Variants in ST7L observed in about 807,000 individuals in gnomAD.
The protein encoded by ST7L is suppression of tumorigenicity 7 like.
ST7L carries 57 observed loss-of-function variants against 72.5 expected under a neutral mutation model. The observed-to-expected ratio is 0.79, with a 90% CI of 0.64 to 0.98. The LOEUF is 0.98. Ranked by LOEUF, ST7L falls within the 50% of genes least tolerant of loss-of-function variation. ST7L has a pLI of 0.00. For missense variants in ST7L, 576 were observed against 672.2 expected, an observed-to-expected ratio of 0.86 and a Z score of 1.58; for synonymous variants, 221 against 240.9, an observed-to-expected ratio of 0.92 and a Z score of 0.77.
chr1:112,547,587 T>TTTTTTTTG (rs1447452736), intron 13 of ST7L, among the ~76,000 whole-genome samples: 1 of 141,514 alleles, frequency 7.1e-6, no homozygotes, highest in Non-Finnish European at 1.5e-5. Flanking sequence ...TTTTTTTTTT[T>TTTTTTTTG]GGAGACAGAG....
At chr1:112,539,876 C>A (rs1488333707) in intron 14 of ST7L, 1 of 985,204 alleles carries the variant, frequency 1.0e-6, no homozygotes, top group Non-Finnish European at 1.2e-6. Context: ...TACCATTAGG[C>A]ACATTCTTAA....
intron 3 of ST7L, among the ~76,000 whole-genome samples, chr1:112,604,596 C>T (rs976459260): frequency 2.0e-5 from 3 of 151,854 alleles, no homozygotes; most frequent in African/African-American, 4.8e-5. Context: ...GTAATGGTTA[C>T]CAAGTCCAAA....
intron 12 of ST7L, among the ~76,000 whole-genome samples, chr1:112,553,815 A>G (rs151239212): frequency 5.0e-4 from 76 of 152,344 alleles, no homozygotes; most frequent in Non-Finnish European, 9.0e-4. Flanking sequence ...TAATGTTGAA[A>G]CTGTGAACTG....
intron 11 of ST7L, among the ~76,000 whole-genome samples, chr1:112,564,933 T>C (rs1220125088): frequency 1.3e-5 from 2 of 151,982 alleles, no homozygotes; most frequent in African/African-American, 4.8e-5. Flanking sequence ...TATGTATCAA[T>C]TTATTTTTAA....
At chr1:112,609,942 A>G (rs1668822840) in intron 3 of ST7L, among the ~76,000 whole-genome samples, 3 of 152,186 alleles carry the variant, frequency 2.0e-5, no homozygotes, top group African/African-American at 7.2e-5. Context: ...TTTTAAGTAT[A>G]CTGAAAAAAA....
At position 112,601,800 on chromosome 1, in the gene ST7L, C is replaced by T. The variant is rs567805572; in HGVS notation, c.452-952G>A. 3.0e-3 allele frequency among the ~76,000 whole-genome samples: 449 copies of T among 151,818 alleles called. 1 individual carries two copies. The highest frequency in any genetic ancestry group is 9.9e-3 in the African/African-American group (410 of 41,444). On this transcript the variant is annotated intron_variant, in intron 3 of 14. Coordinates refer to ENST00000358039, the MANE Select transcript of ST7L (RefSeq NM_017744.5). ...GGTTAGAAAATAGACTGGAAGAGGC[C>T]GGGCATGGTAGCTCACGTCTGTAAT...
At chr1:112,608,206 T>A (rs1410175591) in intron 3 of ST7L, among the ~76,000 whole-genome samples, 1 of 151,944 alleles carries the variant, frequency 6.6e-6, no homozygotes, top group Non-Finnish European at 1.5e-5. Flanking sequence ...TTTGTAGAGA[T>A]GGGGGTCTTG....
At chr1:112,593,989 T>C (rs1014489459) in intron 5 of ST7L, among the ~76,000 whole-genome samples, 1 of 152,146 alleles carries the variant, frequency 6.6e-6, no homozygotes, top group African/African-American at 2.4e-5. Context: ...GTTCAACCTT[T>C]AGCTGGGGTT....
At chr1:112,565,211 A>ATTTTTTTTTTTTTT (rs777969643) in intron 11 of ST7L, among the ~76,000 whole-genome samples, 23 of 57,948 alleles carry the variant, frequency 4.0e-4, no homozygotes, top group African/African-American at 6.0e-4. Flanking sequence ...TGTTCGGCTA[A>ATTTTTTTTTTTTTT]TTTTTTTTTT....
intron 4 of ST7L, among the ~76,000 whole-genome samples, chr1:112,599,085 T>A (rs867295413): frequency 0.12 from 7,006 of 57,846 alleles, 958 homozygotes; most frequent in Admixed American, 0.2. Flanking sequence ...TATATATATA[T>A]ATATATATAT....
intron 11 of ST7L, among the ~76,000 whole-genome samples, chr1:112,556,994 AAAAACACAAAGAAAAG>A (rs1659290354): frequency 7.0e-6 from 1 of 143,548 alleles, no homozygotes; most frequent in Non-Finnish European, 1.5e-5. Flanking sequence ...ACAAAAAAAA[AAAAACACAAAGAAAAG>A]AAAAAAAAAG....
chr1:112,535,530 GA>G (rs1375475713), intron 14 of ST7L, among the ~76,000 whole-genome samples: 3 of 151,972 alleles, frequency 2.0e-5, no homozygotes. Flanking sequence ...AGGAGTTGGA[GA>G]CCAGCCTGGG....
At chr1:112,550,484 T>C (rs1380428129) in intron 13 of ST7L, 117 bp downstream of exon 13, 8 of 667,458 alleles carry the variant, frequency 1.2e-5, no homozygotes, top group African/African-American at 9.1e-5. Context: ...GTGGCTAAAA[T>C]AGTATTTAAA....
chr1:112,561,024 T>C (rs1273539631), intron 11 of ST7L, among the ~76,000 whole-genome samples: 1 of 151,742 alleles, frequency 6.6e-6, no homozygotes, highest in Non-Finnish European at 1.5e-5. Context: ...AGCTGAAATG[T>C]CTTCAAATTC....
chr1:112,560,942 G>A (rs569606736), intron 11 of ST7L, among the ~76,000 whole-genome samples: 17 of 146,974 alleles, frequency 1.2e-4, no homozygotes, highest in African/African-American at 3.8e-4. Context: ...CAGCCTGGGC[G>A]ACAACAGCAA....
chr1:112,584,134 G>A lies in ST7L; in HGVS notation c.702-8C>T, dbSNP rs1441572902. 5 of 1,607,592 alleles carry A rather than the reference G, an allele frequency of 3.1e-6. No individual in the cohort carries two copies. Among genetic ancestry groups the A allele is most frequent in the Non-Finnish European group, 3.4e-6 (4 of 1,178,092 alleles). On this transcript the variant is annotated splice_polypyrimidine_tract_variant and splice_region_variant and intron_variant, in intron 6 of 14. Coordinates refer to ENST00000358039, the MANE Select transcript of ST7L (RefSeq NM_017744.5). Reference sequence around the variant, plus strand: ...ACATATGCAGTGGCACAGCTATGAAGAAAGCAAGAAGGCAATTTTAAATAA... The same window carrying A: ...ACATATGCAGTGGCACAGCTATGAAAAAAGCAAGAAGGCAATTTTAAATAA...
At position 112,602,124 on chromosome 1, in the gene ST7L, T is replaced by A. The variant is rs924863351; in HGVS notation, c.452-1276A>T. 5.4e-5 allele frequency among the ~76,000 whole-genome samples: 8 copies of A among 148,340 alleles called. 1 individual carries two copies. The highest frequency in any genetic ancestry group is 1.7e-4 in the African/African-American group (7 of 40,390). On this transcript the variant is annotated intron_variant, in intron 3 of 14. Transcript: ENST00000358039. ...AAAAAGAAAAGAAAAGAAAATAGAC[T>A]GTAAGAAATTGATGAAGGACCGTTA...
chr1:112,571,162 T>C, intron 11 of ST7L: 1 of 382,096 alleles, frequency 2.6e-6, no homozygotes, highest in Non-Finnish European at 5.1e-6. Context: ...AGAGCGAGAC[T>C]GTCTCAAAAA....
chr1:112,539,895 A>G (rs1456550876), intron 14 of ST7L: 1 of 985,256 alleles, frequency 1.0e-6, no homozygotes, highest in Non-Finnish European at 1.2e-6. Flanking sequence ...AACACTATAT[A>G]CCATCACCTA....
Sources: allele counts gnomAD v4.1 joint callset (sites outside exome capture counted in the v4.1 genomes callset), GRCh38; gene constraint gnomAD v4.1.1; transcripts MANE v1.5; gene names NCBI Gene and HGNC (gene_info 2026-07-23, HGNC 2026-07-21).